Variants in MED27 observed in about 807,000 individuals in gnomAD.
MED27 encodes the protein mediator of RNA polymerase II transcription subunit 27.
In MED27, 30 loss-of-function variants were observed where a neutral mutation model predicts 38.2. The ratio of observed to expected loss-of-function variants is 0.79; its 90% CI spans 0.59 to 1.07. The LOEUF is 1.07. Ranked by LOEUF, MED27 falls within the 50% of genes least tolerant of loss-of-function variation. MED27 has a pLI of 0.00. For missense variants in MED27, 289 were observed against 397.5 expected (o/e 0.73, Z 2.32); for synonymous variants, 122 against 153.5 (o/e 0.79, Z 1.52).
chr9:132,028,560 C>G (rs1832879212), intron 2 of MED27, among the ~76,000 whole-genome samples: 2 of 151,952 alleles, frequency 1.3e-5, no homozygotes, highest in African/African-American at 4.8e-5. Context: ...AACTGCACAG[C>G]CAGACCTATA....
At chr9:131,938,707 TC>T (rs1165820538) in intron 4 of MED27, among the ~76,000 whole-genome samples, 1 of 151,472 alleles carries the variant, frequency 6.6e-6, no homozygotes, top group Non-Finnish European at 1.5e-5. Flanking sequence ...GAGAGTGTTT[TC>T]TTTTTTTTTC....
intron 3 of MED27, among the ~76,000 whole-genome samples, chr9:131,994,996 A>G (rs1832060540): frequency 6.6e-6 from 1 of 152,178 alleles, no homozygotes; most frequent in Admixed American, 6.5e-5. Context: ...GCTGTGAGGG[A>G]AAAGCCTCCC....
At position 132,057,617 on chromosome 9, in the gene MED27, T is replaced by C. The variant is rs530674159; in HGVS notation, c.348+19825A>G. Among the ~76,000 whole-genome samples, 6 of 152,348 alleles carry C rather than the reference T, an allele frequency of 3.9e-5. No homozygotes were observed. In the South Asian group the frequency reaches 1.2e-3, roughly 32 times the overall value. On this transcript the variant is annotated intron_variant, in intron 2 of 7. Coordinates refer to ENST00000292035, the MANE Select transcript of MED27 (RefSeq NM_004269.4). The stretch of plus-strand genomic sequence containing the variant: ...AACTTCATTTGCTCTAGGATAGACA[T>C]AAGCCAATGCGATGGCAATTAATTC...
chr9:132,038,435 GC>G (rs1346671201), intron 2 of MED27, among the ~76,000 whole-genome samples: 1 of 151,116 alleles, frequency 6.6e-6, no homozygotes, highest in Non-Finnish European at 1.5e-5. Context: ...CTCGTGATCC[GC>G]CCGCCTCGGC....
At chr9:131,949,325 C>G (rs1235878169) in intron 3 of MED27, among the ~76,000 whole-genome samples, 1 of 152,140 alleles carries the variant, frequency 6.6e-6, no homozygotes, top group Non-Finnish European at 1.5e-5. Flanking sequence ...GGGAGAGTGA[C>G]AGAGCAGGCA....
chr9:132,067,385 G>A (rs548071373), intron 2 of MED27, among the ~76,000 whole-genome samples: 1 of 152,320 alleles, frequency 6.6e-6, no homozygotes, highest in South Asian at 2.1e-4. Flanking sequence ...GCATCTCAAA[G>A]CCTTGCTTCC....
intron 4 of MED27, among the ~76,000 whole-genome samples, chr9:131,910,101 G>A (rs895248542): frequency 3.9e-5 from 6 of 152,162 alleles, no homozygotes; most frequent in Non-Finnish European, 5.9e-5. Flanking sequence ...AGGGGAAACC[G>A]AGGCGCTGGT....
chr9:131,933,753 G>T (rs1830632727), intron 4 of MED27, among the ~76,000 whole-genome samples: 1 of 151,612 alleles, frequency 6.6e-6, no homozygotes, highest in Non-Finnish European at 1.5e-5. Flanking sequence ...AAATACCAAT[G>T]ATATTTTTCA....
At position 132,068,662 on chromosome 9, in the gene MED27, G is replaced by A. The variant is rs139956226; in HGVS notation, c.348+8780C>T. Among the ~76,000 whole-genome samples, 497 of 152,302 alleles carry A rather than the reference G, an allele frequency of 3.3e-3. 3 individuals are homozygous for A. The highest frequency in any genetic ancestry group is 0.011 in the African/African-American group (467 of 41,564). On this transcript the variant is annotated intron_variant, in intron 2 of 7. Transcript: ENST00000292035. ...CGGATGACACCCAGGGATCTGGGTA[G>A]GTGGCTGGCTAAGGCATCCCACCAC... is the stretch of plus-strand genomic sequence containing the variant.
intron 3 of MED27, among the ~76,000 whole-genome samples, chr9:131,972,740 G>A (rs1255301626): frequency 1.3e-5 from 2 of 152,132 alleles, no homozygotes; most frequent in African/African-American, 4.8e-5. Context: ...TACCAAAAAG[G>A]CTAATCCCAA....
intron 4 of MED27, among the ~76,000 whole-genome samples, chr9:131,934,864 G>A (rs983653493): frequency 5.9e-5 from 9 of 152,242 alleles, no homozygotes; most frequent in Middle Eastern, 6.8e-3. Context: ...TATACACAAC[G>A]GAGTACTATT....
chr9:131,956,614 C>CAAA (rs754763103), intron 3 of MED27, among the ~76,000 whole-genome samples: 1 of 64,560 alleles, frequency 1.5e-5, no homozygotes. Context: ...GACTCCGCCT[C>CAAA]AAAAAAAAAA....
rs947805925 is a variant in MED27, at chr9:131,942,131, G to T, written c.480-2657C>A. ...TGAACCACCGTGCCCAGCCTCTGCT[G>T]ATTTTTTAATAGTTTAATAAACAAT... On this transcript the variant is annotated intron_variant, in intron 3 of 7. Transcript: ENST00000292035. 3.3e-5 allele frequency among the ~76,000 whole-genome samples: 5 copies of T among 152,130 alleles called. No homozygotes were observed. In the East Asian group the frequency reaches 9.7e-4, roughly 29 times the overall value.
At chr9:131,911,164 G>A (rs536982003) in intron 4 of MED27, among the ~76,000 whole-genome samples, 1 of 152,012 alleles carries the variant, frequency 6.6e-6, no homozygotes, top group Non-Finnish European at 1.5e-5. Flanking sequence ...CAAATTAAGT[G>A]CTCTAAATGA....
At chr9:132,019,825 A>G (rs1426565001) in intron 2 of MED27, among the ~76,000 whole-genome samples, 1 of 152,220 alleles carries the variant, frequency 6.6e-6, no homozygotes, top group Non-Finnish European at 1.5e-5. Context: ...CCCCTGGATG[A>G]GAGCTGGCCC....
At chr9:132,069,774 C>A (rs571601442) in intron 2 of MED27, among the ~76,000 whole-genome samples, 1 of 152,336 alleles carries the variant, frequency 6.6e-6, no homozygotes, top group African/African-American at 2.4e-5. Flanking sequence ...CAGCCCAACC[C>A]TTCATCCTAC....
At chr9:132,053,661 G>A (rs1387770063) in intron 2 of MED27, among the ~76,000 whole-genome samples, 1 of 152,126 alleles carries the variant, frequency 6.6e-6, no homozygotes, top group Non-Finnish European at 1.5e-5. Context: ...TGTGGAACCA[G>A]GCTGCCTGCG....
intron 6 of MED27, among the ~76,000 whole-genome samples, chr9:131,876,871 C>T (rs550527380): frequency 3.3e-5 from 5 of 152,322 alleles, no homozygotes; most frequent in Admixed American, 3.3e-4. Flanking sequence ...GAAAGCTGTC[C>T]CCTCAGTTCT....
At chr9:131,987,694 G>GTCA (rs748058158) in intron 3 of MED27, among the ~76,000 whole-genome samples, 2 of 151,096 alleles carry the variant, frequency 1.3e-5, no homozygotes, top group Non-Finnish European at 2.9e-5. Context: ...TATCTTAGCT[G>GTCA]TCAGGAGGAC....
Sources: gnomAD v4.1 joint callset for allele counts (sites outside exome capture counted in the v4.1 genomes callset) on GRCh38, gnomAD v4.1.1 for gene constraint, MANE v1.5 for transcripts, NCBI Gene and HGNC (gene_info 2026-07-23, HGNC 2026-07-21) for gene names.